Variants in HDGFL2 observed in about 807,000 individuals in gnomAD.
The protein encoded by HDGFL2 is hepatoma-derived growth factor-related protein 2.
HDGFL2 carries 36 observed loss-of-function variants against 77.1 expected under a neutral mutation model. That is an observed-to-expected ratio of 0.47 (90% confidence interval 0.36 to 0.62). The LOEUF (loss-of-function observed/expected upper bound fraction) is 0.62. Ranked by LOEUF, HDGFL2 falls within the 20% of genes least tolerant of loss-of-function variation. The probability of loss-of-function intolerance (pLI) is 0.00; values close to 1 mark genes in which losing one functional copy is unlikely to be tolerated. For missense variants in HDGFL2, 976 were observed against 973.4 expected, an observed-to-expected ratio of 1.00 and a Z score of -0.04; for synonymous variants, 463 against 413.1, an observed-to-expected ratio of 1.12 and a Z score of -1.46.
In HDGFL2 at chr19:4,475,045, C is replaced by G. The variant is rs562354104; in HGVS notation, c.73-230C>G. On this transcript the variant is annotated intron_variant, in intron 1 of 15. Transcript: ENST00000616600. ...GCTTTGCTCAGGTGGAGCACCTGCC[C>G]TGGGGCCAGCTCCGTCCCTGGGGTA... 3.0e-4 allele frequency: 166 copies of G among 550,366 alleles called. 1 individual carries two copies. The East Asian group carries it at 5.1e-3, about 17-fold the overall frequency. 34.1% of individuals were successfully genotyped at this position (550,366 alleles called of 1,614,324 possible).
rs1406542295 is a variant in HDGFL2 at position 4,477,833 on chromosome 19, G to A, written c.288+2250G>A. 4.6e-5 allele frequency among the ~76,000 whole-genome samples: 7 copies of A among 152,072 alleles called. No homozygotes were observed. In the East Asian group the frequency reaches 1.4e-3, roughly 29 times the overall value. ...ACTGTGGCTCACACCTGTAATCCCAGCACTTTGGGAGGCTGTGGCTGGTGG... is the reference window on the plus strand; with the variant it reads ...ACTGTGGCTCACACCTGTAATCCCAACACTTTGGGAGGCTGTGGCTGGTGG... On this transcript the variant is annotated intron_variant, in intron 3 of 15. Coordinates refer to ENST00000616600, the MANE Select transcript of HDGFL2 (RefSeq NM_001001520.3).
At chr19:4,493,193 TGTC>T (rs1240295002) in intron 6 of HDGFL2, among the ~76,000 whole-genome samples, 2 of 126,916 alleles carry the variant, frequency 1.6e-5, no homozygotes, top group African/African-American at 3.0e-5. Flanking sequence ...GTGTGTGTGT[TGTC>T]TGTGTCTGTG....
intron 4 of HDGFL2, among the ~76,000 whole-genome samples, chr19:4,491,261 ACCCCCCCACCCCCCC>A (rs1975501507): frequency 4.4e-5 from 1 of 22,700 alleles, no homozygotes; most frequent in Non-Finnish European, 8.6e-5. Flanking sequence ...CCACCCCCCC[ACCCCCCCACCCCCCC>A]ACCCCCCCCG....
Position 4,475,564 on chromosome 19 carries a change from C to A in HDGFL2, c.269C>A (p.Ala90Asp). ...TGGGAGATCCAGAACAACCCCCACG[C>A]CAGCTACAGCGCCCCTCCGGTGAGT... is the stretch of plus-strand genomic sequence containing the variant. ...GLWEIQNNPH[A>D]SYSAPPPVSS... The change falls in exon 3 of 16, where the codon GCC becomes GAC. Residue 90 changes from alanine to aspartate, a missense_variant. By Grantham distance (126) the Ala-to-Asp change is moderately radical. Coordinates refer to ENST00000616600, the MANE Select transcript of HDGFL2 (RefSeq NM_001001520.3). 6.3e-7 allele frequency: 1 copy of A among 1,582,778 alleles called. No homozygotes were observed.
chr19:4,496,594 GC>G (rs1975708905), intron 10 of HDGFL2, among the ~76,000 whole-genome samples, 189 bp downstream of exon 10: 2 of 152,168 alleles, frequency 1.3e-5, no homozygotes, highest in South Asian at 4.1e-4. Context: ...TCTTTGCCCA[GC>G]CCAGGGGTCT....
rs757017910 is a variant in HDGFL2, at chr19:4,498,846, G to C, written c.1506G>C (p.Glu502Asp). 2 of 1,611,552 alleles carry C rather than the reference G, an allele frequency of 1.2e-6. No individual in the cohort carries two copies. The highest frequency in any genetic ancestry group is 1.3e-5 in the African/African-American group (1 of 74,868). ...AGAGGTGCCTGAATGCCCTAGAGGA[G>C]CTGGGAACCCTGCAGGTGACCTCTC... ...DVKRCLNALE[E>D]LGTLQVTSQI... Residue 502 changes from glutamate (E) to aspartate (D), a missense_variant, in exon 13 of 16, where the codon GAG (glutamate) becomes GAC (aspartate). This residue lies in a region of HDGFL2 where 46 missense variants were observed against 81.3 expected (regional missense o/e 0.57). Coordinates refer to ENST00000616600, the MANE Select transcript of HDGFL2 (RefSeq NM_001001520.3).
At chr19:4,484,463 AG>A (rs1397727711) in intron 3 of HDGFL2, among the ~76,000 whole-genome samples, 28 of 151,378 alleles carry the variant, frequency 1.8e-4, no homozygotes, top group African/African-American at 6.6e-4. Flanking sequence ...AGTAGCTTCT[AG>A]TACATTCTCA....
chr19:4,481,432 C>T (rs1019647835), intron 3 of HDGFL2, among the ~76,000 whole-genome samples: 4 of 152,136 alleles, frequency 2.6e-5, no homozygotes, highest in Admixed American at 2.6e-4. Flanking sequence ...CCTCGTGATC[C>T]GCCCGCCTCG....
chr19:4,498,037 G>A lies in HDGFL2; in HGVS notation c.1402+6G>A. 1.3e-6 allele frequency: 2 copies of A among 1,553,364 alleles called. No homozygotes were observed. The highest frequency in any genetic ancestry group is 2.4e-5 in the South Asian group (2 of 84,206). The stretch of plus-strand genomic sequence containing the variant: ...GAAGGTAGAGAAGAAGAAAGGTGAG[G>A]CCTGGCTGCCCAGCACTGCCCACAC... On this transcript the variant is annotated splice_donor_region_variant and intron_variant, in intron 11 of 15. Transcript: ENST00000616600.
chr19:4,498,246 G>C, intron 11 of HDGFL2, 60 bp from the exon 12 acceptor site: 1 of 1,475,232 alleles, frequency 6.8e-7, no homozygotes, highest in Non-Finnish European at 9.4e-7. Flanking sequence ...TCCTGCCCTT[G>C]AACAGCTGGC....
chr19:4,491,269 ACCCCCCCAC>A (rs1975502717), intron 4 of HDGFL2, among the ~76,000 whole-genome samples: 1 of 19,414 alleles, frequency 5.2e-5, no homozygotes, highest in Non-Finnish European at 1.0e-4. Context: ...CCACCCCCCC[ACCCCCCCAC>A]CCCCCCCGGC....
In HDGFL2 at chr19:4,498,922, C is replaced by T. The variant is rs371476643; in HGVS notation, c.1575+7C>T. ...GGTGGCCACCTTGAAGAAGGTATGG[C>T]GGGGGAATCAGAGGCGCAGGGTGCA... On this transcript the variant is annotated splice_region_variant and intron_variant, in intron 13 of 15. Transcript: ENST00000616600. 7.3e-5 allele frequency: 116 copies of T among 1,588,518 alleles called. No individual in the cohort carries two copies. The highest frequency in any genetic ancestry group is 9.4e-5 in the Non-Finnish European group (109 of 1,163,378).
chr19:4,501,090 C>A, intron 14 of HDGFL2, 101 bp from the exon 15 acceptor site: 1 of 1,460,454 alleles, frequency 6.8e-7, no homozygotes, highest in Non-Finnish European at 9.3e-7. Context: ...GTGTCACCCA[C>A]GGCGCTCAGC....
chr19:4,489,603 CA>C (rs1363460392), intron 4 of HDGFL2, among the ~76,000 whole-genome samples: 2 of 152,092 alleles, frequency 1.3e-5, no homozygotes, highest in East Asian at 3.9e-4. Context: ...AGGGTTTCAC[CA>C]TGTTGGCCAG....
intron 10 of HDGFL2, chr19:4,497,707 A>G: frequency 1.8e-6 from 1 of 542,218 alleles, no homozygotes; most frequent in Non-Finnish European, 3.3e-6. Context: ...GAACGAGGAA[A>G]AGAATCCTGG....
At chr19:4,493,125 GGTGT>G (rs1169932620) in intron 6 of HDGFL2, among the ~76,000 whole-genome samples, 2 of 139,000 alleles carry the variant, frequency 1.4e-5, no homozygotes, top group African/African-American at 2.7e-5. Flanking sequence ...GTCTGTGTGT[GGTGT>G]GTGTGTTATC....
At position 4,494,438 on chromosome 19, in the gene HDGFL2, C is replaced by A; in HGVS notation, c.1187C>A (p.Ser396Tyr). The change falls in exon 9 of 16, where the codon TCC becomes TAC. Residue 396 changes from serine to tyrosine, a missense_variant. This residue lies in a region of HDGFL2 where 567 missense variants were observed against 534.7 expected (regional missense o/e 1.06). Transcript: ENST00000616600. ...RKGRGRGPPS[S>Y]SDSEPEAELE... ...GGCCGGGGCCGGGGTCCCCCGTCCTCCTCTGACTCCGAGCCCGAGGCCGAG... is the reference window on the plus strand; with the variant it reads ...GGCCGGGGCCGGGGTCCCCCGTCCTACTCTGACTCCGAGCCCGAGGCCGAG... 7.1e-7 allele frequency: 1 copy of A among 1,403,688 alleles called. No homozygotes were observed. Among genetic ancestry groups the A allele is most frequent in the East Asian group, 2.9e-5 (1 of 34,088 alleles). The allele number at this position is 1,403,688 out of a possible 1,614,324, so 87.0% of individuals were successfully genotyped here. A position where few individuals can be genotyped will look rare whatever the true frequency, so the allele number is the denominator to read the frequency against.
intron 10 of HDGFL2, chr19:4,496,775 A>G: frequency 2.6e-6 from 1 of 383,204 alleles, no homozygotes; most frequent in Non-Finnish European, 5.0e-6. Flanking sequence ...CCCAATGTCC[A>G]CAAGCAGAGG....
At chr19:4,496,527 AGTTCCTGGTCCTTGG>A (rs1219250689) in intron 10 of HDGFL2, 122 bp downstream of exon 10, 31 of 751,168 alleles carry the variant, frequency 4.1e-5, no homozygotes, top group Middle Eastern at 7.5e-4. Flanking sequence ...ACCCGGTTGA[AGTTCCTGGTCCTTGG>A]GTTGTGTGGG....
Sources: gnomAD v4.1 joint callset for allele counts (sites outside exome capture counted in the v4.1 genomes callset) on GRCh38, gnomAD v4.1.1 for gene constraint, gnomAD v4.1.1 regional missense constraint, MANE v1.5 for transcripts, NCBI Gene and HGNC (gene_info 2026-07-23, HGNC 2026-07-21) for gene names.